DIP2C: variants seen among roughly 807,000 people sequenced by gnomAD.
The protein encoded by DIP2C is DIP2 acetate--CoA ligase C (putative), also known as disco-interacting protein 2 homolog C.
DIP2C carries 33 observed loss-of-function variants against 192.4 expected under a neutral mutation model. The ratio of observed to expected loss-of-function variants is 0.17; its 90% CI spans 0.13 to 0.23. DIP2C has a LOEUF of 0.23. Ranked by LOEUF, DIP2C falls within the 10% of genes least tolerant of loss-of-function variation. DIP2C has a pLI of 1.00. For synonymous variants in DIP2C, 979 were observed against 864.1 expected (o/e 1.13, Z -2.33); for missense variants, 1,537 against 2,110.1 (o/e 0.73, Z 5.32).
chr10:619,541 G>GCCCGCCCTCCCACCCTCCCACCCTCCCA, intron 1 of DIP2C, among the ~76,000 whole-genome samples: 41 of 67,958 alleles, frequency 6.0e-4, no homozygotes, highest in African/African-American at 8.3e-4. Flanking sequence ...CCGCCCGCCC[G>GCCCGCCCTCCCACCCTCCCACCCTCCCA]CCCTCCCACC....
intron 1 of DIP2C, among the ~76,000 whole-genome samples, chr10:593,771 C>T (rs1274748973): frequency 1.3e-5 from 2 of 152,182 alleles, no homozygotes; most frequent in African/African-American, 4.8e-5. Context: ...CCTTTACCAT[C>T]CACATCCGTC....
At chr10:334,454 GT>G (rs1236458684) in intron 29 of DIP2C, among the ~76,000 whole-genome samples, 2 of 150,236 alleles carry the variant, frequency 1.3e-5, no homozygotes, top group Admixed American at 6.6e-5. Flanking sequence ...TTTAAATTTT[GT>G]TCCAGTCCAG....
At chr10:338,592 G>A (rs1393847608) in intron 29 of DIP2C, among the ~76,000 whole-genome samples, 3 of 152,150 alleles carry the variant, frequency 2.0e-5, no homozygotes, top group East Asian at 3.9e-4. Flanking sequence ...GGCTGTACCA[G>A]CCAAGTCTGT....
At chr10:476,936 CGGT>C (rs981309955) in intron 2 of DIP2C, among the ~76,000 whole-genome samples, 1 of 151,764 alleles carries the variant, frequency 6.6e-6, no homozygotes, top group African/African-American at 2.4e-5. Context: ...ACCTTGCTCT[CGGT>C]GGAGCTGGCC....
chr10:335,148 A>G (rs1957701013), intron 29 of DIP2C, among the ~76,000 whole-genome samples: 1 of 152,220 alleles, frequency 6.6e-6, no homozygotes, highest in Admixed American at 6.5e-5. Context: ...TTATACTCAT[A>G]TGTCTCAGAT....
intron 18 of DIP2C, 107 bp from the exon 19 acceptor site, chr10:366,518 G>T: frequency 6.7e-7 from 1 of 1,498,946 alleles, no homozygotes; most frequent in Non-Finnish European, 9.1e-7. Flanking sequence ...CAGGAATGGG[G>T]TCTGGAGCAA....
At chr10:354,562 C>T (rs1958982624) in intron 24 of DIP2C, among the ~76,000 whole-genome samples, 1 of 152,290 alleles carries the variant, frequency 6.6e-6, no homozygotes, top group Non-Finnish European at 1.5e-5. Context: ...AGCTGCCCAT[C>T]AATACCTCTA....
At chr10:431,575 C>CT (rs984481068) in intron 4 of DIP2C, among the ~76,000 whole-genome samples, 2 of 152,174 alleles carry the variant, frequency 1.3e-5, no homozygotes, top group African/African-American at 4.8e-5. Flanking sequence ...ACATGAGCCA[C>CT]TTTTTTATTT....
chr10:447,012 T>G (rs1311384473), intron 3 of DIP2C, among the ~76,000 whole-genome samples: 1 of 152,246 alleles, frequency 6.6e-6, no homozygotes, highest in Non-Finnish European at 1.5e-5. Context: ...AGCTTCGGCA[T>G]CTATATGTCA....
intron 6 of DIP2C, among the ~76,000 whole-genome samples, chr10:418,143 GCACC>G (rs1965906107): frequency 2.7e-5 from 1 of 36,988 alleles, no homozygotes; most frequent in Non-Finnish European, 4.5e-5. Context: ...CTGTCCACCT[GCACC>G]TGTCAGAGCT....
In DIP2C at chr10:440,874, G is replaced by T. The variant is rs1173910781; in HGVS notation, c.391C>A (p.Pro131Thr). The part of the protein sequence containing the change: ...VQTSMDAYTP[P>T]DTSSGSEDEG... ...TGTCGGGGAGCGTGTCCCTTACCTG[G>T]AGGGGTGTAGGCGTCCATCGAGGTC... Residue 131 changes from proline to threonine, a missense_variant, in exon 4 of 37, where the codon CCA (proline) becomes ACA (threonine). Physicochemically the swap from Pro to Thr is conservative, Grantham distance 38. This residue lies in a region of DIP2C where 473 missense variants were observed against 539.6 expected (regional missense o/e 0.88). Transcript: ENST00000280886. 1.2e-6 allele frequency: 2 copies of T among 1,612,006 alleles called. No individual in the cohort carries two copies. Among genetic ancestry groups the T allele is most frequent in the Non-Finnish European group, 1.7e-6 (2 of 1,179,666 alleles).
At chr10:649,463 C>T (rs190730795) in intron 1 of DIP2C, among the ~76,000 whole-genome samples, 55 of 152,302 alleles carry the variant, frequency 3.6e-4, no homozygotes, top group African/African-American at 1.2e-3. Context: ...TTGACCTTCA[C>T]GAATTTTCAG....
At chr10:398,971 G>A (rs1351707345) in intron 10 of DIP2C, 138 bp downstream of exon 10, 19 of 682,902 alleles carry the variant, frequency 2.8e-5, no homozygotes, top group East Asian at 1.9e-4. Flanking sequence ...GCCCACTAGC[G>A]ACCGCATCCC....
chr10:577,821 GTGT>G (rs1335721884), intron 1 of DIP2C, among the ~76,000 whole-genome samples: 4 of 143,174 alleles, frequency 2.8e-5, no homozygotes, highest in African/African-American at 5.7e-5. Flanking sequence ...TTGTTTTTTT[GTGT>G]TTTTTTTTTT....
At chr10:471,964 C>A (rs1021020672) in intron 3 of DIP2C, among the ~76,000 whole-genome samples, 1 of 152,262 alleles carries the variant, frequency 6.6e-6, no homozygotes, top group Admixed American at 6.5e-5. Flanking sequence ...GCTGGCCAAG[C>A]CCAGGTGGCA....
intron 3 of DIP2C, among the ~76,000 whole-genome samples, chr10:447,767 C>A (rs1217110584): frequency 9.4e-6 from 1 of 106,288 alleles, no homozygotes; most frequent in Admixed American, 8.8e-5. Flanking sequence ...ACCCACTCAT[C>A]CCCGTCTATA....
intron 1 of DIP2C, among the ~76,000 whole-genome samples, chr10:604,562 C>T (rs927374065): frequency 2.6e-5 from 4 of 152,248 alleles, no homozygotes; most frequent in African/African-American, 4.8e-5. Context: ...CGTGCGGACA[C>T]GCACCCTGGG....
intron 24 of DIP2C, among the ~76,000 whole-genome samples, chr10:350,359 A>G (rs1458215404): frequency 2.0e-5 from 3 of 152,168 alleles, no homozygotes; most frequent in Admixed American, 2.0e-4. Flanking sequence ...AGCCATAAAG[A>G]CAAATGTGAA....
At chr10:534,277 C>CT (rs1847574360) in intron 1 of DIP2C, among the ~76,000 whole-genome samples, 1 of 152,222 alleles carries the variant, frequency 6.6e-6, no homozygotes, top group Admixed American at 6.5e-5. Flanking sequence ...ACTTCATCCC[C>CT]TTAAAGGGGA....
Sources: gnomAD v4.1 joint callset for allele counts (sites outside exome capture counted in the v4.1 genomes callset) on GRCh38, gnomAD v4.1.1 for gene constraint, gnomAD v4.1.1 regional missense constraint, MANE v1.5 for transcripts, NCBI Gene and HGNC (gene_info 2026-07-23, HGNC 2026-07-21) for gene names.